Variants in ELMO1 observed in about 807,000 individuals in gnomAD.
The protein encoded by ELMO1 is engulfment and cell motility protein 1.
Under a neutral mutation model 98.9 loss-of-function variants are expected in ELMO1, and 26 were observed. The ratio of observed to expected loss-of-function variants is 0.26; its 90% CI spans 0.19 to 0.36. The LOEUF is 0.36. ELMO1 is among the 10% of genes least tolerant of loss of function. ELMO1 has a pLI of 1.00. For synonymous variants in ELMO1, 346 were observed against 346.0 expected (o/e 1.00, Z 0.00); for missense variants, 627 against 935.2 (o/e 0.67, Z 4.30).
intron 16 of ELMO1, among the ~76,000 whole-genome samples, chr7:36,948,021 C>T (rs886871018): frequency 7.9e-5 from 12 of 152,166 alleles, no homozygotes; most frequent in Non-Finnish European, 1.3e-4. Flanking sequence ...AGTTATTGTG[C>T]GTTCTTTGAC....
intron 13 of ELMO1, among the ~76,000 whole-genome samples, chr7:37,205,271 T>C (rs1299824411): frequency 2.6e-5 from 4 of 152,232 alleles, no homozygotes; most frequent in Non-Finnish European, 5.9e-5. Context: ...TAACAACTAC[T>C]GAACCATTGC....
At chr7:37,155,551 C>G (rs1053360371) in intron 13 of ELMO1, among the ~76,000 whole-genome samples, 2 of 143,064 alleles carry the variant, frequency 1.4e-5, no homozygotes, top group African/African-American at 2.7e-5. Context: ...AGACTTTAAA[C>G]CAACAAAGAT....
intron 2 of ELMO1, among the ~76,000 whole-genome samples, chr7:37,317,101 A>G (rs190630200): frequency 6.6e-6 from 1 of 152,300 alleles, no homozygotes; most frequent in East Asian, 1.9e-4. Flanking sequence ...AAGACTTCAA[A>G]AAAGGATTAG....
intron 1 of ELMO1, among the ~76,000 whole-genome samples, chr7:37,346,604 C>T (rs189548591): frequency 1.3e-5 from 2 of 152,236 alleles, no homozygotes; most frequent in Admixed American, 6.5e-5. Context: ...TACTTCAGTT[C>T]GACATCCAAG....
At chr7:37,321,479 A>G (rs1226858355) in intron 2 of ELMO1, among the ~76,000 whole-genome samples, 3 of 152,118 alleles carry the variant, frequency 2.0e-5, no homozygotes, top group Non-Finnish European at 4.4e-5. Flanking sequence ...GCACTTTGGG[A>G]GGCCAAGGCA....
intron 4 of ELMO1, among the ~76,000 whole-genome samples, chr7:37,291,951 CACGGTCTCCCT>C (rs1797709989): frequency 3.3e-5 from 3 of 91,304 alleles, no homozygotes; most frequent in Non-Finnish European, 6.6e-5. Flanking sequence ...TCCCTCTGCC[CACGGTCTCCCT>C]CTCCCTCTCT....
chr7:37,341,135 C>T (rs1048763232), intron 2 of ELMO1, among the ~76,000 whole-genome samples: 1 of 151,916 alleles, frequency 6.6e-6, no homozygotes, highest in African/African-American at 2.4e-5. Flanking sequence ...AATGTGCTTT[C>T]GGGTGATGCC....
chr7:37,338,665 T>C (rs931538020), intron 2 of ELMO1, among the ~76,000 whole-genome samples: 8 of 152,118 alleles, frequency 5.3e-5, no homozygotes, highest in African/African-American at 1.4e-4. Context: ...GAGAAACAAA[T>C]ACATTATTCA....
chr7:36,950,686 T>G (rs185465694), intron 16 of ELMO1, among the ~76,000 whole-genome samples: 63 of 152,354 alleles, frequency 4.1e-4, no homozygotes, highest in Admixed American at 1.8e-3. Flanking sequence ...TCTCAAATGT[T>G]CACTGCACAC....
intron 16 of ELMO1, among the ~76,000 whole-genome samples, chr7:36,902,589 T>C (rs1417742764): frequency 6.6e-6 from 1 of 152,254 alleles, no homozygotes. Flanking sequence ...ACTTTCTCTA[T>C]TGGTTTTCTT....
intron 1 of ELMO1, among the ~76,000 whole-genome samples, chr7:37,363,476 A>G (rs1380777537): frequency 6.6e-6 from 1 of 152,008 alleles, no homozygotes; most frequent in Non-Finnish European, 1.5e-5. Context: ...TCCAGACCTC[A>G]TCCCGCGCAT....
chr7:37,331,593 T>C (rs189019157), intron 2 of ELMO1, among the ~76,000 whole-genome samples: 2 of 151,512 alleles, frequency 1.3e-5, no homozygotes, highest in South Asian at 2.1e-4. Context: ...GTGTAGATAT[T>C]ATGCTCTCTC....
intron 1 of ELMO1, among the ~76,000 whole-genome samples, chr7:37,358,186 A>G (rs1801565643): frequency 6.6e-6 from 1 of 152,164 alleles, no homozygotes; most frequent in African/African-American, 2.4e-5. Context: ...AGAAACTTCC[A>G]ACCCTGTGTT....
In ELMO1 at chr7:37,392,635, G is replaced by A. The variant is rs1257729078; in HGVS notation, c.-73-49872C>T. On this transcript the variant is annotated intron_variant, in intron 1 of 21. Transcript: ENST00000310758. The stretch of plus-strand genomic sequence containing the variant: ...GTGAGGCCTCCCTATAGAATGGAGA[G>A]ATGGGGCTGTCCTGACTCTGGAGGC... 7.9e-4 allele frequency among the ~76,000 whole-genome samples: 121 copies of A among 152,308 alleles called. 1 individual carries two copies. Among genetic ancestry groups the A allele is most frequent in the Admixed American group, 6.5e-5 (1 of 15,300 alleles).
intron 7 of ELMO1, among the ~76,000 whole-genome samples, chr7:37,242,247 A>G (rs1794799111): frequency 6.6e-6 from 1 of 152,184 alleles, no homozygotes; most frequent in Non-Finnish European, 1.5e-5. Context: ...AACCTCATAC[A>G]GTAAAATTTT....
At chr7:37,376,153 AG>A (rs1402253344) in intron 1 of ELMO1, 1 of 300,748 alleles carries the variant, frequency 3.3e-6, no homozygotes, top group Admixed American at 4.3e-5. Flanking sequence ...CAATTCAGTT[AG>A]CAAGGTATAG....
chr7:37,207,771 G>A (rs529589051), intron 13 of ELMO1, among the ~76,000 whole-genome samples: 12 of 151,734 alleles, frequency 7.9e-5, no homozygotes, highest in Admixed American at 3.9e-4. Flanking sequence ...GGTGAAACCC[G>A]TCTCTACTAA....
chr7:37,404,507 T>C (rs1025428268), intron 1 of ELMO1, among the ~76,000 whole-genome samples: 6 of 152,244 alleles, frequency 3.9e-5, no homozygotes, highest in African/African-American at 1.4e-4. Flanking sequence ...ATCCTTTAGA[T>C]GCTTCTCCAT....
At position 37,255,913 on chromosome 7, in the gene ELMO1, T is replaced by C. The variant is rs553521024; in HGVS notation, c.413+3268A>G. ...CAGAAGCCGTGGGGGGTATGTAGTA[T>C]AGGCTACCATGTCTGGCAGGTACAT... On this transcript the variant is annotated intron_variant, in intron 6 of 21. Coordinates refer to ENST00000310758, the MANE Select transcript of ELMO1 (RefSeq NM_014800.11). 2.0e-4 allele frequency among the ~76,000 whole-genome samples: 31 copies of C among 152,300 alleles called. 1 individual carries two copies. The highest frequency in any genetic ancestry group is 7.0e-4 in the African/African-American group (29 of 41,556).
Sources: allele counts gnomAD v4.1 joint callset (sites outside exome capture counted in the v4.1 genomes callset), GRCh38; gene constraint gnomAD v4.1.1; transcripts MANE v1.5; gene names NCBI Gene and HGNC (gene_info 2026-07-23, HGNC 2026-07-21).